Variants in PDE7B observed in about 807,000 individuals in gnomAD.
PDE7B encodes 3',5'-cyclic-AMP phosphodiesterase 7B.
PDE7B carries 29 observed loss-of-function variants against 56.2 expected under a neutral mutation model. The observed-to-expected ratio is 0.52, with a 90% confidence interval of 0.38 to 0.70. The LOEUF (loss-of-function observed/expected upper bound fraction) is 0.70, where lower values mean the gene tolerates loss of function less well. Ranked by LOEUF, PDE7B falls within the 30% of genes least tolerant of loss-of-function variation. The pLI is 0.00. For synonymous variants in PDE7B, 197 were observed against 196.9 expected (o/e 1.00, Z 0.00); for missense variants, 490 against 565.0 (o/e 0.87, Z 1.35).
chr6:135,868,887 A>G (rs985374440), intron 1 of PDE7B, among the ~76,000 whole-genome samples: 12 of 152,176 alleles, frequency 7.9e-5, no homozygotes, highest in African/African-American at 2.4e-5. Flanking sequence ...ACACTGGCTC[A>G]ATTGTTTTTT....
At chr6:136,151,942 A>T (rs1290785713) in intron 6 of PDE7B, among the ~76,000 whole-genome samples, 3 of 130,578 alleles carry the variant, frequency 2.3e-5, no homozygotes, top group Non-Finnish European at 4.4e-5. Context: ...TCTGTCTTAA[A>T]AATAAATAAA....
chr6:135,912,020 A>T (rs1477615016), intron 1 of PDE7B, among the ~76,000 whole-genome samples: 1 of 152,210 alleles, frequency 6.6e-6, no homozygotes, highest in East Asian at 1.9e-4. Context: ...AGAGCTATAG[A>T]ATTTCCTATC....
intron 3 of PDE7B, among the ~76,000 whole-genome samples, chr6:136,138,870 G>A (rs374221264): frequency 6.6e-6 from 1 of 151,938 alleles, no homozygotes; most frequent in Non-Finnish European, 1.5e-5. Flanking sequence ...ATTTTTAGGG[G>A]GAAAGACATT....
chr6:136,022,626 G>T (rs1334620590), intron 2 of PDE7B, among the ~76,000 whole-genome samples: 2 of 152,128 alleles, frequency 1.3e-5, no homozygotes, highest in African/African-American at 2.4e-5. Flanking sequence ...TCATCTTTGT[G>T]CCTGAAGAGC....
intron 1 of PDE7B, among the ~76,000 whole-genome samples, chr6:135,934,846 TTTAA>T (rs1774374328): frequency 8.8e-6 from 1 of 114,092 alleles, no homozygotes; most frequent in African/African-American, 3.5e-5. Context: ...TATATATTTA[TTTAA>T]ATAAATATAT....
At chr6:135,880,630 C>T (rs377620103) in intron 1 of PDE7B, among the ~76,000 whole-genome samples, 5 of 152,174 alleles carry the variant, frequency 3.3e-5, no homozygotes, top group African/African-American at 1.2e-4. Context: ...TCTTCATTCC[C>T]CTGTCCTGGG....
Position 136,149,161 on chromosome 6 carries a change from CA to C in PDE7B, c.382+15del. 3 of 1,569,568 alleles carry C rather than the reference CA, an allele frequency of 1.9e-6. No individual in the cohort carries two copies. The Middle Eastern group carries it at 5.0e-4, about 262-fold the overall frequency. ...ATCGCTTGACAAATGGTAAGTTACC[CA>C]AAAGAATTCTCACTAAAATATACAC... On this transcript the variant is annotated intron_variant, in intron 5 of 12. Coordinates refer to ENST00000308191, the MANE Select transcript of PDE7B (RefSeq NM_018945.4).
At chr6:136,066,305 G>A (rs1776935200) in intron 2 of PDE7B, among the ~76,000 whole-genome samples, 1 of 149,948 alleles carries the variant, frequency 6.7e-6, no homozygotes, top group Middle Eastern at 3.5e-3. Context: ...TGCTGTTTGG[G>A]TTTGGTTTGG....
chr6:136,186,360 T>A (rs1401809712), intron 11 of PDE7B, among the ~76,000 whole-genome samples: 2 of 152,048 alleles, frequency 1.3e-5, no homozygotes, highest in Non-Finnish European at 2.9e-5. Context: ...CCTAGGAGTT[T>A]GAGGCTGCAG....
intron 3 of PDE7B, among the ~76,000 whole-genome samples, chr6:136,136,398 C>T (rs1778211918): frequency 6.6e-6 from 1 of 152,020 alleles, no homozygotes; most frequent in Non-Finnish European, 1.5e-5. Context: ...AATCTGGTCT[C>T]CAAAACCTTA....
intron 2 of PDE7B, 24 bp downstream of exon 2, chr6:135,947,548 T>C: frequency 6.5e-7 from 1 of 1,545,376 alleles, no homozygotes; most frequent in Non-Finnish European, 8.9e-7. Flanking sequence ...TCATTTTAAA[T>C]ATATTAAGCA....
chr6:136,043,530 A>G (rs1320197424), intron 2 of PDE7B, among the ~76,000 whole-genome samples: 2 of 148,922 alleles, frequency 1.3e-5, no homozygotes, highest in African/African-American at 2.5e-5. Flanking sequence ...AATTAATAAT[A>G]GCACCTTTGC....
At chr6:135,971,956 C>T (rs940343367) in intron 2 of PDE7B, among the ~76,000 whole-genome samples, 11 of 152,076 alleles carry the variant, frequency 7.2e-5, no homozygotes, top group Admixed American at 3.3e-4. Context: ...AGGGATGTGC[C>T]GGGCACGGTG....
At chr6:136,026,828 T>G (rs1164843866) in intron 2 of PDE7B, among the ~76,000 whole-genome samples, 4 of 152,150 alleles carry the variant, frequency 2.6e-5, no homozygotes, top group Non-Finnish European at 4.4e-5. Flanking sequence ...GAAGCTTCTG[T>G]TTTCTGGATC....
intron 2 of PDE7B, among the ~76,000 whole-genome samples, chr6:136,031,911 G>A (rs911603698): frequency 6.6e-6 from 1 of 152,154 alleles, no homozygotes; most frequent in Non-Finnish European, 1.5e-5. Flanking sequence ...TTTTGAGTAT[G>A]TCTGGATAAT....
intron 2 of PDE7B, among the ~76,000 whole-genome samples, chr6:136,046,067 G>C (rs2128210492): frequency 6.6e-6 from 1 of 152,002 alleles, no homozygotes; most frequent in East Asian, 1.9e-4. Context: ...ATTACATTTA[G>C]AGGATCTGTG....
At chr6:135,981,955 G>A (rs369911249) in intron 2 of PDE7B, among the ~76,000 whole-genome samples, 1 of 152,056 alleles carries the variant, frequency 6.6e-6, no homozygotes, top group Non-Finnish European at 1.5e-5. Context: ...TAAACAGTGC[G>A]ATGCACTGTG....
intron 11 of PDE7B, among the ~76,000 whole-genome samples, chr6:136,183,961 T>C (rs959438555): frequency 3.9e-5 from 6 of 152,128 alleles, no homozygotes; most frequent in Non-Finnish European, 8.8e-5. Flanking sequence ...ATACCATATA[T>C]CTCCCTCCTC....
intron 2 of PDE7B, 36 bp downstream of exon 2, chr6:135,947,560 G>T: frequency 1.4e-6 from 2 of 1,448,856 alleles, no homozygotes; most frequent in South Asian, 2.3e-5. Context: ...TATTAAGCAT[G>T]TTGATGTCAT....
Sources: gnomAD v4.1 joint callset for allele counts (sites outside exome capture counted in the v4.1 genomes callset) on GRCh38, gnomAD v4.1.1 for gene constraint, MANE v1.5 for transcripts, NCBI Gene and HGNC (gene_info 2026-07-23, HGNC 2026-07-21) for gene names.